MCF2L: variants seen among roughly 807,000 people sequenced by gnomAD.
MCF2L encodes guanine nucleotide exchange factor DBS.
In MCF2L, 97 loss-of-function variants were observed where a neutral mutation model predicts 153.4. The ratio of observed to expected loss-of-function variants is 0.63; its 90% CI spans 0.54 to 0.75. MCF2L has a LOEUF of 0.75. MCF2L is among the 30% of genes least tolerant of loss of function. The pLI, the probability that MCF2L is intolerant of heterozygous loss-of-function variation, is 0.00. For missense variants in MCF2L, 1,347 were observed against 1,495.2 expected (o/e 0.90, Z 1.64); for synonymous variants, 659 against 632.2 (o/e 1.04, Z -0.64).
chr13:112,902,489 T>G (rs2081129536), intron 2 of MCF2L: 1 of 1,058,472 alleles, frequency 9.4e-7, no homozygotes. Context: ...ATCCTGGGAA[T>G]GCATGACCCC....
rs185064635 is a variant in MCF2L at position 112,907,705 on chromosome 13, T to A, written c.169+5334T>A. Among the ~76,000 whole-genome samples the A allele has an allele frequency of 1.3e-5, 2 of 152,328 alleles. No individual in the cohort carries two copies. Among genetic ancestry groups the A allele is most frequent in the African/African-American group, 4.8e-5 (2 of 41,568 alleles). ...GACTCTGGACTTGAAACTTCCTGGT[T>A]CTTCATGCAGTTCTCAAAGCTCATG... On this transcript the variant is annotated intron_variant, in intron 2 of 29. Coordinates refer to the MCF2L transcript ENST00000375608. The surrounding 1 kb of genome is among the most constrained non-coding windows in gnomAD (Gnocchi z 5.1).
At chr13:112,944,349 A>C (rs2081612982) in intron 2 of MCF2L, among the ~76,000 whole-genome samples, 1 of 151,962 alleles carries the variant, frequency 6.6e-6, no homozygotes, top group Non-Finnish European at 1.5e-5. Flanking sequence ...AGACTGGGCC[A>C]ATCCCTACAG....
chr13:113,019,283 G>A (rs561251632), intron 2 of MCF2L, among the ~76,000 whole-genome samples: 71 of 152,286 alleles, frequency 4.7e-4, no homozygotes, highest in African/African-American at 1.6e-3. Flanking sequence ...GAAGGACCCC[G>A]GAGTCTCCCT....
At chr13:112,966,195 T>C (rs1161655353), upstream of MCF2L, 1 of 152,210 alleles carries the variant, frequency 6.6e-6, no homozygotes, top group Non-Finnish European at 1.5e-5. The surrounding 1 kb of genome is among the most constrained non-coding windows in gnomAD (Gnocchi z 4.1). Flanking sequence ...TATTAAATGA[T>C]GTTTATGGAA....
chr13:112,922,797 TGCACTCCA>T (rs1404610908), intron 2 of MCF2L, among the ~76,000 whole-genome samples: 1 of 152,248 alleles, frequency 6.6e-6, no homozygotes, highest in Non-Finnish European at 1.5e-5. Flanking sequence ...ATCGTGCCAC[TGCACTCCA>T]GCGTGGGCGA....
chr13:112,970,588 C>T (rs925565178), intron 1 of MCF2L, among the ~76,000 whole-genome samples: 19 of 152,012 alleles, frequency 1.2e-4, no homozygotes, highest in Non-Finnish European at 2.5e-4. Context: ...TGGTGAAGGG[C>T]TGCGTGGATG....
chr13:113,062,804 A>G (rs982687718), intron 5 of MCF2L, among the ~76,000 whole-genome samples: 2 of 152,074 alleles, frequency 1.3e-5, no homozygotes, highest in African/African-American at 4.8e-5. Context: ...AGTGACCTCA[A>G]AAAGGGCAAG....
At chr13:113,091,208 C>A (rs2035177171) in intron 26 of MCF2L, 2 of 1,302,824 alleles carry the variant, frequency 1.5e-6, no homozygotes, top group South Asian at 1.2e-5. Flanking sequence ...AGAGTGGCAC[C>A]CTCGGGCACG....
At chr13:112,936,943 A>G (rs752618100) in intron 2 of MCF2L, among the ~76,000 whole-genome samples, 17 of 152,260 alleles carry the variant, frequency 1.1e-4, no homozygotes, top group Non-Finnish European at 2.2e-4. Context: ...CAGATGCAAC[A>G]GAATATTTCA....
intron 11 of MCF2L, 97 bp from the exon 12 acceptor site, chr13:113,075,869 A>C: frequency 1.0e-6 from 1 of 967,304 alleles, no homozygotes; most frequent in Non-Finnish European, 1.5e-6. Context: ...GTGGCCCGGG[A>C]TCTGTCGGGA....
At chr13:112,910,432 C>T (rs947746959) in intron 2 of MCF2L, 14 of 152,306 alleles carry the variant, frequency 9.2e-5, no homozygotes, top group African/African-American at 2.6e-4. Flanking sequence ...AGCAAAATTA[C>T]AGCAGTAAGG....
At chr13:112,946,960 CA>C (rs2081644135) in intron 2 of MCF2L, among the ~76,000 whole-genome samples, 1 of 152,158 alleles carries the variant, frequency 6.6e-6, no homozygotes. Flanking sequence ...GGTGAGTTCC[CA>C]GGGTTTCTTT....
intron 2 of MCF2L, among the ~76,000 whole-genome samples, chr13:112,933,377 G>A (rs1262776902): frequency 6.6e-6 from 1 of 152,244 alleles, no homozygotes; most frequent in East Asian, 1.9e-4. Context: ...CACCAGCCCT[G>A]CATCTGCTCT....
intron 20 of MCF2L, 142 bp from the exon 21 acceptor site, chr13:113,085,982 G>C (rs1002862914): frequency 3.5e-5 from 29 of 834,434 alleles, no homozygotes; most frequent in Non-Finnish European, 4.2e-5. Flanking sequence ...CCCAGCTGCA[G>C]GAGGGCAGGC....
At chr13:113,081,331 G>A (rs1353930964) in intron 16 of MCF2L, 52 bp downstream of exon 16, 1 of 1,505,158 alleles carries the variant, frequency 6.6e-7, no homozygotes. Context: ...CCCTGGGCCA[G>A]CTGGTGGGGC....
At chr13:112,964,153 G>A (rs186901056) in intron 2 of MCF2L, among the ~76,000 whole-genome samples, 217 of 152,334 alleles carry the variant, frequency 1.4e-3, no homozygotes, top group African/African-American at 4.2e-3. Flanking sequence ...AGCCCACCTC[G>A]GATGGCCCCT....
At chr13:113,079,028 G>T (rs549048290) in intron 15 of MCF2L, among the ~76,000 whole-genome samples, 1 of 152,206 alleles carries the variant, frequency 6.6e-6, no homozygotes, top group Non-Finnish European at 1.5e-5. Context: ...CTTCGCCCCA[G>T]CAAGAGCCTC....
Position 113,096,813 on chromosome 13 carries a change from G to C in MCF2L, c.3332G>C (p.Ser1111Thr). 1.3e-6 allele frequency: 2 copies of C among 1,544,398 alleles called. No homozygotes were observed. The highest frequency in any genetic ancestry group is 1.7e-6 in the Non-Finnish European group (2 of 1,155,694). The change falls in exon 30 of 30, where the codon AGC (serine) becomes ACC (threonine). Residue 1111 changes from serine (S) to threonine (T), a missense_variant. Around this residue, in one of 3 missense-constraint regions of MCF2L, gnomAD observed 383 missense variants for 335.4 expected, o/e 1.14. Coordinates refer to ENST00000535094, the MANE Select transcript of MCF2L (RefSeq NM_001112732.3). ...TCGGCCGTGCTGAGCAACTCGTCCA[G>C]CTGCAGCGAGGGCGGCCAGGCCCCC... is the stretch of plus-strand genomic sequence containing the variant. ...PGSAVLSNSS[S>T]CSEGGQAPFS...
intron 2 of MCF2L, among the ~76,000 whole-genome samples, chr13:112,919,399 G>A (rs896882998): frequency 1.8e-4 from 28 of 151,492 alleles, no homozygotes; most frequent in African/African-American, 6.3e-4. Flanking sequence ...TAGAGACGGG[G>A]TTTCACCGTT....
Sources: allele counts gnomAD v4.1 joint callset (sites outside exome capture counted in the v4.1 genomes callset), GRCh38; gene constraint gnomAD v4.1.1; regional missense constraint gnomAD v4.1.1; non-coding constraint Gnocchi (gnomAD v3.1); transcripts MANE v1.5; gene names NCBI Gene and HGNC (gene_info 2026-07-23, HGNC 2026-07-21).